The following INTS6 variants were observed in gnomAD, a reference collection of about 807,000 sequenced individuals.
INTS6 encodes the protein integrator complex subunit 6.
INTS6 carries 16 observed loss-of-function variants against 104.9 expected under a neutral mutation model. The observed-to-expected ratio is 0.15, with a 90% CI of 0.10 to 0.23. INTS6 has a LOEUF of 0.23. Among genes scored for constraint, INTS6 ranks in the 10% least tolerant of loss-of-function variants. INTS6 has a pLI of 1.00. For synonymous variants in INTS6, 324 were observed against 358.7 expected (o/e 0.90, Z 1.09); for missense variants, 584 against 1,062.8 (o/e 0.55, Z 6.26).
the INTS6 span, among the ~76,000 whole-genome samples, chr13:51,345,851 C>T: frequency 3.6e-4 from 55 of 152,340 alleles, no homozygotes; most frequent in Non-Finnish European, 5.9e-4. Context: ...GCTGATTGTC[C>T]TCTAAGAAAA....
intron 4 of INTS6, among the ~76,000 whole-genome samples, chr13:51,416,747 T>A (rs1197680625): frequency 6.6e-6 from 1 of 152,200 alleles, no homozygotes; most frequent in Non-Finnish European, 1.5e-5. Flanking sequence ...CAGAATAGAA[T>A]TATTGGAGTT....
chr13:51,366,361 C>A (rs1955688154), intron 17 of INTS6, among the ~76,000 whole-genome samples: 1 of 151,940 alleles, frequency 6.6e-6, no homozygotes, highest in African/African-American at 2.4e-5. Flanking sequence ...GCTAGCAAAT[C>A]AAGGATAGAC....
chr13:51,452,736 C>T lies in INTS6; in HGVS notation c.-211G>A, dbSNP rs1953092055. On this transcript the variant is annotated 5_prime_UTR_variant, in exon 1 of 18. Coordinates refer to ENST00000311234, the MANE Select transcript of INTS6 (RefSeq NM_012141.3). The surrounding 1 kb of genome is among the most constrained non-coding windows in gnomAD (Gnocchi z 4.2). ...CCAGACCCAGTGCTCCCCGTCGTAC[C>T]CCCGCCTCCGCCTCCTCCTGCCTGC... 1 of 1,250,118 alleles carries T rather than the reference C, an allele frequency of 8.0e-7. No homozygotes were observed. The highest frequency in any genetic ancestry group is 1.0e-6 in the Non-Finnish European group (1 of 993,422). 77.4% of individuals were successfully genotyped at this position (1,250,118 alleles called of 1,614,324 possible). A position where few individuals can be genotyped will look rare whatever the true frequency, so the allele number is the denominator to read the frequency against.
At chr13:51,338,030 C>A in the INTS6 span, among the ~76,000 whole-genome samples, 2 of 152,236 alleles carry the variant, frequency 1.3e-5, no homozygotes, top group Admixed American at 6.5e-5. Flanking sequence ...AAAATATATC[C>A]TGTATGTTAA....
chr13:51,348,380 A>G, the INTS6 span: 1 of 1,613,858 alleles, frequency 6.2e-7, no homozygotes, highest in Non-Finnish European at 8.5e-7. Context: ...CACCAGCCTG[A>G]GGAGAGCCAG....
At chr13:51,390,082 T>A (rs2137947131) in intron 5 of INTS6, among the ~76,000 whole-genome samples, 1 of 152,184 alleles carries the variant, frequency 6.6e-6, no homozygotes, top group African/African-American at 2.4e-5. Context: ...TATACTACTT[T>A]TGGTTCAGAA....
At position 51,394,277 on chromosome 13, in the gene INTS6, A is replaced by G. The variant is rs150754468; in HGVS notation, c.613+1023T>C. 2.1e-3 allele frequency among the ~76,000 whole-genome samples: 324 copies of G among 152,306 alleles called. 1 individual carries two copies. The highest frequency in any genetic ancestry group is 3.5e-3 in the Non-Finnish European group (240 of 68,020). On this transcript the variant is annotated intron_variant, in intron 5 of 17. Coordinates refer to ENST00000311234, the MANE Select transcript of INTS6 (RefSeq NM_012141.3). The stretch of plus-strand genomic sequence containing the variant: ...TGTGAAGGCATTACGAAAGTTCACA[A>G]AAAGCATTTCTATAAAATGAAAGCA...
chr13:51,417,233 T>C (rs1956803587), intron 4 of INTS6, among the ~76,000 whole-genome samples: 1 of 152,196 alleles, frequency 6.6e-6, no homozygotes, highest in Admixed American at 6.5e-5. Flanking sequence ...GTCCAATTTG[T>C]CTAGTTGTTC....
the INTS6 span, among the ~76,000 whole-genome samples, chr13:51,338,080 C>T: frequency 8.8e-3 from 1,334 of 152,256 alleles, 20 homozygotes; most frequent in African/African-American, 0.03. Context: ...TTCTTAAAAG[C>T]AAGTTAGAAT....
downstream of INTS6, among the ~76,000 whole-genome samples, chr13:51,358,335 G>A (rs1390422847): frequency 2.6e-5 from 4 of 152,254 alleles, no homozygotes; most frequent in South Asian, 2.1e-4. Context: ...CCTGATTTAT[G>A]AGAAGCTGAG....
At chr13:51,388,877 C>CATTTT (rs1220123903) in intron 6 of INTS6, among the ~76,000 whole-genome samples, 2 of 130,382 alleles carry the variant, frequency 1.5e-5, no homozygotes, top group Non-Finnish European at 3.1e-5. Context: ...ATGGCAAAGC[C>CATTTT]TGGTTCCTCA....
At chr13:51,374,818 C>CA (rs767221850) in intron 13 of INTS6, 22 bp from the exon 14 acceptor site, 1 of 1,601,412 alleles carries the variant, frequency 6.2e-7, no homozygotes, top group Non-Finnish European at 8.5e-7. Context: ...AATACAACAG[C>CA]AAAAAAAGTT....
chr13:51,347,817 T>C, the INTS6 span, among the ~76,000 whole-genome samples: 1 of 152,104 alleles, frequency 6.6e-6, no homozygotes, highest in Non-Finnish European at 1.5e-5. Context: ...TTAGTAGCCA[T>C]CTCAGTCATC....
chr13:51,344,516 T>A, the INTS6 span: 2 of 1,505,704 alleles, frequency 1.3e-6, no homozygotes, highest in African/African-American at 2.8e-5. Context: ...TCAACAAGGC[T>A]AAGGCAGAGG....
chr13:51,336,364 G>A, the INTS6 span, among the ~76,000 whole-genome samples: 1 of 152,114 alleles, frequency 6.6e-6, no homozygotes, highest in Non-Finnish European at 1.5e-5. Context: ...GCAGCCCTCT[G>A]TAATCCCAGC....
intron 3 of INTS6, chr13:51,438,054 T>C (rs1199404762): frequency 6.6e-6 from 1 of 152,170 alleles, no homozygotes; most frequent in Non-Finnish European, 1.5e-5. Flanking sequence ...AGATTAGTTT[T>C]AAGGGGCCCT....
the INTS6 span, chr13:51,341,018 G>A: frequency 2.6e-6 from 4 of 1,542,772 alleles, no homozygotes; most frequent in South Asian, 1.2e-5. Context: ...GTGGGACATG[G>A]CCCTCTTTCA....
chr13:51,418,041 T>C (rs1380318625), intron 4 of INTS6, among the ~76,000 whole-genome samples: 1 of 152,212 alleles, frequency 6.6e-6, no homozygotes, highest in African/African-American at 2.4e-5. Context: ...GAATTGAGAA[T>C]TACAGGAGAT....
intron 12 of INTS6, among the ~76,000 whole-genome samples, chr13:51,377,769 CT>C (rs988290917): frequency 2.0e-5 from 3 of 152,110 alleles, no homozygotes; most frequent in African/African-American, 7.2e-5. Flanking sequence ...CAACTTTATT[CT>C]TCTAAAATTG....
Sources: allele counts gnomAD v4.1 joint callset (sites outside exome capture counted in the v4.1 genomes callset), GRCh38; gene constraint gnomAD v4.1.1; non-coding constraint Gnocchi (gnomAD v3.1); transcripts MANE v1.5; gene names NCBI Gene and HGNC (gene_info 2026-07-23, HGNC 2026-07-21).